MEPE: variants seen among roughly 807,000 people sequenced by gnomAD.
MEPE encodes the protein matrix, extracellular phosphoglycoprotein with ASARM motif (bone).
A neutral mutation model predicts 7.3 loss-of-function variants in MEPE; 7 were observed. The observed-to-expected ratio is 0.95, with a 90% CI of 0.54 to 1.79. The LOEUF (loss-of-function observed/expected upper bound fraction) is 1.79, where lower values mean the gene tolerates loss of function less well. Ranked by LOEUF, MEPE falls within the 40% of genes most tolerant of loss-of-function variation. The pLI, the probability that MEPE is intolerant of heterozygous loss-of-function variation, is 0.00. For missense variants in MEPE, 623 were observed against 628.2 expected, an observed-to-expected ratio of 0.99 and a Z score of 0.09; for synonymous variants, 214 against 213.1, an observed-to-expected ratio of 1.00 and a Z score of -0.04.
At chr4:87,840,951 T>G (rs1722990665) in intron 3 of MEPE, among the ~76,000 whole-genome samples, 1 of 152,190 alleles carries the variant, frequency 6.6e-6, no homozygotes, top group South Asian at 2.1e-4. Flanking sequence ...CAGAAATCAT[T>G]TAACACAAGC....
At chr4:87,843,389 T>A (rs3762916) in intron 3 of MEPE, among the ~76,000 whole-genome samples, 62,520 of 151,970 alleles carry the variant, frequency 0.41, 13,730 homozygotes, top group African/African-American at 0.57. Flanking sequence ...TCACAGACCT[T>A]CCCCCACCCT....
chr4:87,841,120 CT>C (rs1380973370), intron 3 of MEPE, among the ~76,000 whole-genome samples: 1 of 152,094 alleles, frequency 6.6e-6, no homozygotes, highest in Non-Finnish European at 1.5e-5. Context: ...GTACATGTTA[CT>C]TTTTTAAAAG....
chr4:87,839,516 G>C (rs1005315625), intron 3 of MEPE, among the ~76,000 whole-genome samples: 4 of 152,018 alleles, frequency 2.6e-5, no homozygotes, highest in Non-Finnish European at 4.4e-5. Flanking sequence ...TGCTGTCTTC[G>C]GGAGCCGGCT....
upstream of MEPE, among the ~76,000 whole-genome samples, chr4:87,830,368 T>A (rs1722568637): frequency 6.6e-6 from 1 of 152,088 alleles, no homozygotes; most frequent in South Asian, 2.1e-4. Flanking sequence ...GAAAATGTGG[T>A]ATGTATACAC....
At position 87,846,021 on chromosome 4, in the gene MEPE, G is replaced by A. The variant is rs139465355; in HGVS notation, c.1153G>A (p.Glu385Lys). ...PPAPSKEKRK[E>K]GSSDAAESTN... ...TGCACCCTCAAAAGAGAAAAGAAAA[G>A]AAGGCAGTAGTGATGCAGCTGAAAG... is the stretch of plus-strand genomic sequence containing the variant. Residue 385 changes from glutamate (E) to lysine (K), a missense_variant, in exon 4 of 4, where the codon GAA becomes AAA. By Grantham distance (56) the Glu-to-Lys change is moderately conservative (BLOSUM62 1). Transcript: ENST00000361056. The A allele has an allele frequency of 4.9e-5, 79 of 1,613,994 alleles. No homozygotes were observed. The highest frequency in any genetic ancestry group is 1.6e-4 in the Middle Eastern group (1 of 6,062).
chr4:87,839,106 T>A (rs1351834341), intron 3 of MEPE, among the ~76,000 whole-genome samples: 1 of 152,186 alleles, frequency 6.6e-6, no homozygotes, highest in African/African-American at 2.4e-5. Context: ...GAATTCTATG[T>A]CCGTGGAGTC....
At chr4:87,836,808 C>G (rs1560538097) in intron 2 of MEPE, among the ~76,000 whole-genome samples, 1 of 152,276 alleles carries the variant, frequency 6.6e-6, no homozygotes, top group East Asian at 1.9e-4. Flanking sequence ...ACTGCAACTA[C>G]CAACTATGAG....
At chr4:87,838,274 G>T (rs1421621163) in intron 2 of MEPE, among the ~76,000 whole-genome samples, 1 of 152,112 alleles carries the variant, frequency 6.6e-6, no homozygotes, top group East Asian at 1.9e-4. Context: ...CTCCCAGTTT[G>T]CCAGTGAAAA....
intron 2 of MEPE, among the ~76,000 whole-genome samples, chr4:87,836,117 T>C (rs1445401962): frequency 6.6e-6 from 1 of 152,134 alleles, no homozygotes; most frequent in Non-Finnish European, 1.5e-5. Context: ...TGTGAATCAT[T>C]AAATATGATG....
rs560974412 is a variant in MEPE at position 87,834,841 on chromosome 4, G to A, written c.54+73G>A. 2.5e-4 allele frequency: 336 copies of A among 1,338,508 alleles called. 1 individual carries two copies. Among genetic ancestry groups the A allele is most frequent in the South Asian group, 1.0e-3 (81 of 79,178 alleles). 82.9% of individuals were successfully genotyped at this position (1,338,508 alleles called of 1,614,324 possible). ...TTCATTTGTTTTTCTTTCAAGCAAC[G>A]TCTATTTAAATTAGTAGCATCTACC... On this transcript the variant is annotated intron_variant, in intron 2 of 3. Coordinates refer to ENST00000361056, the MANE Select transcript of MEPE (RefSeq NM_020203.6).
rs1213785609 is a variant in MEPE, at chr4:87,845,693, C to T, written c.825C>T (p.Asp275=). Residue 275 remains aspartate (D), a synonymous_variant, in exon 4 of 4, where the codon GAC becomes GAT. Transcript: ENST00000361056. ...IPGKGEATGP[D]LEGKDIQTGF... ...GTAAAGGAGAAGCTACTGGTCCTGA[C>T]CTAGAAGGCAAAGATATTCAAACAG... The T allele has an allele frequency of 6.2e-7, 1 of 1,613,692 alleles. No individual in the cohort carries two copies. Among genetic ancestry groups the T allele is most frequent in the Non-Finnish European group, 8.5e-7 (1 of 1,179,876 alleles).
At chr4:87,842,170 G>C (rs1164739304) in intron 3 of MEPE, among the ~76,000 whole-genome samples, 2 of 152,172 alleles carry the variant, frequency 1.3e-5, no homozygotes, top group African/African-American at 4.8e-5. Flanking sequence ...CTACTCTCGT[G>C]AGTACTGGAC....
At chr4:87,832,869 C>G (rs995648566), upstream of MEPE, 1 of 152,126 alleles carries the variant, frequency 6.6e-6, no homozygotes. Context: ...TCTGTGGGCG[C>G]TTGTAACAAA....
At position 87,825,823 on chromosome 4, in the gene MEPE, T is replaced by C. The variant is rs116210936; in HGVS notation, c.-13+4352T>C. Among the ~76,000 whole-genome samples, 1,098 of 152,284 alleles carry C rather than the reference T, an allele frequency of 7.2e-3. 13 individuals are homozygous for C. The highest frequency in any genetic ancestry group is 0.025 in the African/African-American group (1,054 of 41,564). ...GCCTAGGTATCAAGCCCAGCATGCA[T>C]TAGCTATTATTCCTGATACCCCACC... is the stretch of plus-strand genomic sequence containing the variant. On this transcript the variant is annotated intron_variant, in intron 1 of 3. Transcript: ENST00000424957.
chr4:87,832,486 T>G (rs929527499), upstream of MEPE, among the ~76,000 whole-genome samples: 7 of 152,148 alleles, frequency 4.6e-5, no homozygotes, highest in Non-Finnish European at 1.0e-4. Context: ...CTGTCTCCCT[T>G]ATTGGATTCT....
chr4:87,828,595 A>G (rs1464295812), upstream of MEPE, among the ~76,000 whole-genome samples: 3 of 152,178 alleles, frequency 2.0e-5, no homozygotes, highest in Non-Finnish European at 4.4e-5. Flanking sequence ...AAACAAACAA[A>G]AAAGCCTTAT....
chr4:87,834,077 T>C (rs1278700129), intron 1 of MEPE, among the ~76,000 whole-genome samples: 1 of 152,218 alleles, frequency 6.6e-6, no homozygotes, highest in African/African-American at 2.4e-5. Context: ...AGGGTTGTTG[T>C]GAGGCTCAAA....
chr4:87,836,948 T>A (rs565801211), intron 2 of MEPE, among the ~76,000 whole-genome samples: 1 of 152,238 alleles, frequency 6.6e-6, no homozygotes, highest in South Asian at 2.1e-4. Context: ...ATTGATAAAC[T>A]ATTGTTATTT....
chr4:87,824,879 G>A (rs999994024), intron 1 of MEPE, among the ~76,000 whole-genome samples: 11 of 152,114 alleles, frequency 7.2e-5, no homozygotes, highest in African/African-American at 2.7e-4. Flanking sequence ...ACAGGGTCTT[G>A]CTCTGTCACC....
Sources: allele counts gnomAD v4.1 joint callset (sites outside exome capture counted in the v4.1 genomes callset), GRCh38; gene constraint gnomAD v4.1.1; transcripts MANE v1.5; gene names NCBI Gene and HGNC (gene_info 2026-07-23, HGNC 2026-07-21).